USP31: variants seen among roughly 807,000 people sequenced by gnomAD.
USP31 encodes the protein ubiquitin specific peptidase 31.
Under a neutral mutation model 119.4 loss-of-function variants are expected in USP31, and 44 were observed. The ratio of observed to expected loss-of-function variants is 0.37; its 90% confidence interval spans 0.29 to 0.47. The LOEUF (loss-of-function observed/expected upper bound fraction) is 0.47. USP31 is among the 20% of genes least tolerant of loss of function. The probability of loss-of-function intolerance (pLI) is 0.99; values close to 1 mark genes in which losing one functional copy is unlikely to be tolerated. For missense variants in USP31, 1,643 were observed against 1,730.2 expected, an observed-to-expected ratio of 0.95 and a Z score of 0.89; for synonymous variants, 749 against 705.6, an observed-to-expected ratio of 1.06 and a Z score of -0.97.
chr16:23,090,576 T>A (rs759004519), intron 7 of USP31, 48 bp downstream of exon 7: 2 of 1,472,268 alleles, frequency 1.4e-6, no homozygotes, highest in Non-Finnish European at 9.1e-7. Flanking sequence ...TTGAAAATAC[T>A]GAACTGTTAC....
intron 1 of USP31, among the ~76,000 whole-genome samples, chr16:23,143,482 T>C (rs565352681): frequency 1.3e-5 from 2 of 151,534 alleles, no homozygotes; most frequent in African/African-American, 4.8e-5. Context: ...ACTAGGAAAG[T>C]GATGCAAGGG....
chr16:23,107,663 A>C (rs1902161389), intron 2 of USP31, among the ~76,000 whole-genome samples: 1 of 152,196 alleles, frequency 6.6e-6, no homozygotes, highest in South Asian at 2.1e-4. Context: ...CAGCAGAGAA[A>C]ATCCATACGT....
At chr16:23,104,960 T>G (rs1452188919) in intron 5 of USP31, among the ~76,000 whole-genome samples, 3 of 152,226 alleles carry the variant, frequency 2.0e-5, no homozygotes, top group Non-Finnish European at 4.4e-5. Context: ...TAAGAGACTC[T>G]GGTCCAGCCG....
intron 1 of USP31, among the ~76,000 whole-genome samples, chr16:23,117,388 G>A (rs373081218): frequency 3.9e-5 from 6 of 152,176 alleles, no homozygotes; most frequent in African/African-American, 1.4e-4. Flanking sequence ...ATAACGACTA[G>A]TAAAGTATGC....
At chr16:23,144,462 T>C (rs896165335) in intron 1 of USP31, among the ~76,000 whole-genome samples, 5 of 151,854 alleles carry the variant, frequency 3.3e-5, no homozygotes, top group South Asian at 2.1e-4. Context: ...GTCCACCTTC[T>C]GGTGTTTACC....
chr16:23,106,932 G>A (rs142423650), intron 2 of USP31, among the ~76,000 whole-genome samples: 3,775 of 152,184 alleles, frequency 0.025, 58 homozygotes, highest in African/African-American at 0.04. Flanking sequence ...GACCAACATG[G>A]AGAAACCCCA....
At chr16:23,109,225 G>A (rs747725704) in intron 1 of USP31, among the ~76,000 whole-genome samples, 2 of 152,148 alleles carry the variant, frequency 1.3e-5, no homozygotes, top group East Asian at 1.9e-4. Flanking sequence ...CAGTAACAAC[G>A]TGCACATCCA....
intron 1 of USP31, among the ~76,000 whole-genome samples, chr16:23,148,166 C>T (rs780985681): frequency 6.6e-6 from 1 of 152,128 alleles, no homozygotes; most frequent in South Asian, 2.1e-4. Context: ...CCACAGTGTT[C>T]GATTTAATAT....
chr16:23,086,027 G>A (rs1382132469), intron 9 of USP31, among the ~76,000 whole-genome samples: 1 of 152,030 alleles, frequency 6.6e-6, no homozygotes, highest in Admixed American at 6.6e-5. Flanking sequence ...AGTCCCCTGG[G>A]AACAAAGTCG....
At chr16:23,126,646 A>T (rs1352243559) in intron 1 of USP31, among the ~76,000 whole-genome samples, 1 of 151,472 alleles carries the variant, frequency 6.6e-6, no homozygotes, top group Non-Finnish European at 1.5e-5. Context: ...AAAAAGAAAT[A>T]AAAAAGGGAC....
chr16:23,122,534 T>C (rs985724028), intron 1 of USP31, among the ~76,000 whole-genome samples: 18 of 152,198 alleles, frequency 1.2e-4, no homozygotes, highest in African/African-American at 4.1e-4. Context: ...TTATTTATAA[T>C]AGCCAAAGTA....
At chr16:23,086,913 CAAGA>C in intron 9 of USP31, among the ~76,000 whole-genome samples, 175 bp downstream of exon 9, 1 of 152,080 alleles carries the variant, frequency 6.6e-6, no homozygotes, top group East Asian at 1.9e-4. Flanking sequence ...TTTCTTATTT[CAAGA>C]AAGATCATCA....
chr16:23,143,206 T>A (rs1262181858), intron 1 of USP31, among the ~76,000 whole-genome samples: 2 of 151,912 alleles, frequency 1.3e-5, no homozygotes, highest in Non-Finnish European at 2.9e-5. Context: ...CTGGAAGGAG[T>A]CCCCACAATT....
intron 13 of USP31, among the ~76,000 whole-genome samples, chr16:23,076,488 G>C (rs967278339): frequency 6.6e-6 from 1 of 152,126 alleles, no homozygotes; most frequent in African/African-American, 2.4e-5. Context: ...CTTGAGGTCA[G>C]CATGACCTCT....
In USP31 at chr16:23,080,085, G is replaced by A; in HGVS notation, c.2037C>T (p.Ser679=). 1 of 1,613,522 alleles carries A rather than the reference G, an allele frequency of 6.2e-7. No homozygotes were observed. The highest frequency in any genetic ancestry group is 8.5e-7 in the Non-Finnish European group (1 of 1,179,692). Residue 679 remains serine (S), a synonymous_variant, in exon 13 of 16, where the codon AGC becomes AGT. Coordinates refer to ENST00000219689, the MANE Select transcript of USP31 (RefSeq NM_020718.4). ...LDMTPHVVKR[S]QSSWSLPSHW... is the part of the protein sequence containing the mutation. ...GCGATGGCAAACTCCAGCTGCTCTGGCTCCTCTTAACCACGTGAGGTGTCA... is the reference window on the plus strand; with the variant it reads ...GCGATGGCAAACTCCAGCTGCTCTGACTCCTCTTAACCACGTGAGGTGTCA...
intron 1 of USP31, among the ~76,000 whole-genome samples, chr16:23,116,433 C>G (rs1902487251): frequency 1.3e-5 from 2 of 152,140 alleles, no homozygotes; most frequent in East Asian, 1.9e-4. Flanking sequence ...GAATAATTAG[C>G]TAAAACATAA....
chr16:23,068,150 C>T lies in USP31; in HGVS notation c.3955G>A (p.Gly1319Arg). The T allele has an allele frequency of 6.2e-7, 1 of 1,614,194 alleles. No individual in the cohort carries two copies. The highest frequency in any genetic ancestry group is 8.5e-7 in the Non-Finnish European group (1 of 1,180,042). Residue 1319 changes from glycine to arginine, a missense_variant, in exon 16 of 16, where the codon GGA becomes AGA. Coordinates refer to ENST00000219689, the MANE Select transcript of USP31 (RefSeq NM_020718.4). Reference sequence around the variant, plus strand: ...CTGCCACCCGGAGACGAGGGAACTCCAGAGTCTAGTTGGGAAGACTTGGAT... The same window carrying T: ...CTGCCACCCGGAGACGAGGGAACTCTAGAGTCTAGTTGGGAAGACTTGGAT... ...RKSKSSQLDS[G>R]VPSSPGGRQS...
In USP31 at chr16:23,121,070, C is replaced by A. The variant is rs922095964; in HGVS notation, c.634-12887G>T. Among the ~76,000 whole-genome samples the A allele has an allele frequency of 8.5e-5, 13 of 152,186 alleles. 1 individual carries two copies. Among genetic ancestry groups the A allele is most frequent in the Admixed American group, 7.2e-4 (11 of 15,286 alleles). ...TTCTGGAAATAACCTTGCATTGACT[C>A]ACTATTCTGCTATTGCATTTTTATA... On this transcript the variant is annotated intron_variant, in intron 1 of 15. Transcript: ENST00000219689.
rs1429737530 is a variant in USP31 at position 23,082,421 on chromosome 16, A to T, written c.1950+17T>A. 3 of 1,613,588 alleles carry T rather than the reference A, an allele frequency of 1.9e-6. No homozygotes were observed. The South Asian group carries it at 3.3e-5, about 18-fold the overall frequency. On this transcript the variant is annotated intron_variant, in intron 12 of 15. Coordinates refer to ENST00000219689, the MANE Select transcript of USP31 (RefSeq NM_020718.4). ...TGTCACAACTTGTTTGTTCCTGAGGATAAAGGATTTCCATACCTGCCGAAA... is the reference window on the plus strand; with the variant it reads ...TGTCACAACTTGTTTGTTCCTGAGGTTAAAGGATTTCCATACCTGCCGAAA...
Sources: allele counts gnomAD v4.1 joint callset (sites outside exome capture counted in the v4.1 genomes callset), GRCh38; gene constraint gnomAD v4.1.1; transcripts MANE v1.5; gene names NCBI Gene and HGNC (gene_info 2026-07-23, HGNC 2026-07-21).